The following WDR20 variants were observed in gnomAD, a reference collection of about 807,000 sequenced individuals.
The protein encoded by WDR20 is WD repeat-containing protein 20.
WDR20 carries 3 observed loss-of-function variants against 38.7 expected under a neutral mutation model. That is an observed-to-expected ratio of 0.08 (90% CI 0.04 to 0.20). The LOEUF (loss-of-function observed/expected upper bound fraction) is 0.20, where lower values mean the gene tolerates loss of function less well. Among genes scored for constraint, WDR20 ranks in the 10% least tolerant of loss-of-function variants. WDR20 has a pLI of 1.00. For missense variants in WDR20, 559 were observed against 727.7 expected (o/e 0.77, Z 2.67); for synonymous variants, 298 against 285.6 (o/e 1.04, Z -0.44).
At chr14:102,210,543 T>G, downstream of WDR20, 1 of 985,464 alleles carries the variant, frequency 1.0e-6, no homozygotes, top group Non-Finnish European at 1.2e-6. Flanking sequence ...TTGTAGCACT[T>G]TGATTGAGGT....
intron 1 of WDR20, among the ~76,000 whole-genome samples, chr14:102,145,758 G>A (rs1362173825): frequency 7.1e-6 from 1 of 140,244 alleles, no homozygotes; most frequent in Non-Finnish European, 1.6e-5. Flanking sequence ...GCAAGAGAGT[G>A]AGAGCCTGTT....
intron 1 of WDR20, 50 bp downstream of exon 1, chr14:102,140,222 G>T: frequency 6.3e-7 from 1 of 1,599,698 alleles, no homozygotes; most frequent in Non-Finnish European, 8.5e-7. Context: ...GGCAGAGGCC[G>T]GGAGCAGGGC....
At chr14:102,161,144 T>TATATATATATA (rs1374208711) in intron 1 of WDR20, among the ~76,000 whole-genome samples, 6 of 7,284 alleles carry the variant, frequency 8.2e-4, no homozygotes, top group African/African-American at 1.1e-3. Context: ...ATATATATAT[T>TATATATATATA]TTTTTTTTTT....
intron 1 of WDR20, among the ~76,000 whole-genome samples, chr14:102,151,408 T>G (rs1041246642): frequency 6.6e-6 from 1 of 151,678 alleles, no homozygotes; most frequent in African/African-American, 2.4e-5. Flanking sequence ...TTGTTTTTGT[T>G]TTTTTGAGAC....
At chr14:102,153,723 TTATAC>T (rs1380583201) in intron 1 of WDR20, among the ~76,000 whole-genome samples, 4 of 152,172 alleles carry the variant, frequency 2.6e-5, no homozygotes, top group Non-Finnish European at 2.9e-5. Context: ...TAGAACCTCT[TTATAC>T]TAACTGCTTC....
At chr14:102,145,789 A>C (rs2053409788) in intron 1 of WDR20, among the ~76,000 whole-genome samples, 1 of 152,162 alleles carries the variant, frequency 6.6e-6, no homozygotes, top group Admixed American at 6.5e-5. Context: ...AAAACAATCA[A>C]TAATAAACAA....
At chr14:102,217,852 G>A (rs766633284), downstream of WDR20, among the ~76,000 whole-genome samples, 3 of 152,232 alleles carry the variant, frequency 2.0e-5, no homozygotes, top group African/African-American at 7.2e-5. Context: ...TTTCCGCACC[G>A]TCTCTAAAAA....
chr14:102,182,503 A>G (rs1344961944), intron 1 of WDR20, among the ~76,000 whole-genome samples: 1 of 152,182 alleles, frequency 6.6e-6, no homozygotes, highest in Non-Finnish European at 1.5e-5. Flanking sequence ...GGAATATATT[A>G]TCATCTGTTG....
chr14:102,211,381 C>G (rs1002282956), downstream of WDR20, among the ~76,000 whole-genome samples: 2 of 152,056 alleles, frequency 1.3e-5, no homozygotes, highest in African/African-American at 4.8e-5. The surrounding 1 kb of genome is among the most constrained non-coding windows in gnomAD (Gnocchi z 4.2). Context: ...TAACGCAGCC[C>G]TCCCAGGAAA....
In WDR20 at chr14:102,174,043, C is replaced by CA. The variant is rs776153847; in HGVS notation, c.250-20879dup. Among the ~76,000 whole-genome samples the CA allele has an allele frequency of 6.4e-3, 560 of 87,608 alleles. 3 individuals carry two copies. The highest frequency in any genetic ancestry group is 0.014 in the South Asian group (40 of 2,886). 57.5% of individuals were successfully genotyped at this position (87,608 alleles called of 152,430 possible). A position where few individuals can be genotyped will look rare whatever the true frequency, so the allele number is the denominator to read the frequency against. On this transcript the variant is annotated intron_variant, in intron 1 of 2. Transcript: ENST00000342702. ...TGGGCAACAGAGTGAGACTCCATCT[C>CA]AAAAAAAAAAAAAAAAGAATAATGG...
At chr14:102,194,189 C>A (rs928425931) in intron 1 of WDR20, among the ~76,000 whole-genome samples, 4 of 152,146 alleles carry the variant, frequency 2.6e-5, no homozygotes, top group African/African-American at 9.7e-5. Flanking sequence ...AAAATATTGT[C>A]CACTTTGGAG....
rs187889804 is a variant in WDR20, at chr14:102,153,103, T to C, written c.249+12931T>C. ...CTGCCCTCACGCTAGTGAGTACGAGTTCTCTCCAGAACTGGCTGTTTAAAA... is the reference window on the plus strand; with the variant it reads ...CTGCCCTCACGCTAGTGAGTACGAGCTCTCTCCAGAACTGGCTGTTTAAAA... On this transcript the variant is annotated intron_variant, in intron 1 of 2. Coordinates refer to ENST00000342702, the MANE Select transcript of WDR20 (RefSeq NM_144574.4). Among the ~76,000 whole-genome samples the C allele has an allele frequency of 1.7e-3, 251 of 152,052 alleles. 1 individual carries two copies. The highest frequency in any genetic ancestry group is 5.9e-3 in the African/African-American group (243 of 41,482).
intron 1 of WDR20, among the ~76,000 whole-genome samples, chr14:102,175,895 T>A (rs1267907068): frequency 2.6e-5 from 4 of 152,254 alleles, no homozygotes; most frequent in Non-Finnish European, 5.9e-5. Context: ...TTGTGTACAT[T>A]GATTTTGTAT....
chr14:102,145,416 A>G (rs1307047870), intron 1 of WDR20, among the ~76,000 whole-genome samples: 1 of 152,220 alleles, frequency 6.6e-6, no homozygotes, highest in African/African-American at 2.4e-5. Flanking sequence ...CTTTTGATCT[A>G]CTTCTGTCAA....
intron 1 of WDR20, among the ~76,000 whole-genome samples, chr14:102,169,055 C>T (rs868462050): frequency 3.9e-5 from 6 of 152,166 alleles, no homozygotes; most frequent in African/African-American, 1.4e-4. Context: ...TTCCCCTCCC[C>T]GATTCCCCAG....
At chr14:102,160,018 G>A (rs942312160) in intron 1 of WDR20, among the ~76,000 whole-genome samples, 1 of 151,974 alleles carries the variant, frequency 6.6e-6, no homozygotes, top group African/African-American at 2.4e-5. Context: ...GCGATAGGAT[G>A]GCTTAAGCCC....
chr14:102,217,516 G>A (rs1403906149), downstream of WDR20, among the ~76,000 whole-genome samples: 1 of 152,232 alleles, frequency 6.6e-6, no homozygotes, highest in African/African-American at 2.4e-5. Context: ...AAAGCTGGCA[G>A]AGGTACGTGG....
intron 2 of WDR20, among the ~76,000 whole-genome samples, chr14:102,200,470 TGTGTGTGTG>T (rs2060198331): frequency 5.1e-5 from 4 of 78,788 alleles, no homozygotes; most frequent in African/African-American, 1.5e-4. Flanking sequence ...TTTTTTTTTG[TGTGTGTGTG>T]TGTGTGTGTG....
downstream of WDR20, chr14:102,213,796 T>C (rs2062855100): frequency 1.0e-6 from 1 of 985,464 alleles, no homozygotes; most frequent in Non-Finnish European, 1.2e-6. Flanking sequence ...GACGTTTTCT[T>C]TCTTTGTTGA....
Sources: gnomAD v4.1 joint callset for allele counts (sites outside exome capture counted in the v4.1 genomes callset) on GRCh38, gnomAD v4.1.1 for gene constraint, Gnocchi (gnomAD v3.1) non-coding constraint, MANE v1.5 for transcripts, NCBI Gene and HGNC (gene_info 2026-07-23, HGNC 2026-07-21) for gene names.